CDC42BPA: variants seen among roughly 807,000 people sequenced by gnomAD.
CDC42BPA encodes the protein CDC42 binding protein kinase alpha.
CDC42BPA carries 80 observed loss-of-function variants against 223.5 expected under a neutral mutation model. The observed-to-expected ratio is 0.36, with a 90% CI of 0.30 to 0.43. The LOEUF (loss-of-function observed/expected upper bound fraction) is 0.43, where lower values mean the gene tolerates loss of function less well. Ranked by LOEUF, CDC42BPA falls within the 20% of genes least tolerant of loss-of-function variation. CDC42BPA has a pLI of 1.00. For synonymous variants in CDC42BPA, 694 were observed against 718.6 expected (o/e 0.97, Z 0.55); for missense variants, 1,743 against 2,099.9 (o/e 0.83, Z 3.32).
At chr1:227,112,263 A>C (rs1438147713) in intron 14 of CDC42BPA, 49 bp downstream of exon 14, 1 of 1,145,562 alleles carries the variant, frequency 8.7e-7, no homozygotes, top group Non-Finnish European at 1.3e-6. Context: ...TAACAAGCCT[A>C]AAGAGAAGAA....
chr1:227,060,261 G>A (rs1052651413), intron 21 of CDC42BPA, among the ~76,000 whole-genome samples: 5 of 152,106 alleles, frequency 3.3e-5, no homozygotes, highest in Admixed American at 1.3e-4. Context: ...TCGATCTCCT[G>A]ACCTCGTGAT....
chr1:227,050,781 G>A (rs938586682), intron 22 of CDC42BPA, among the ~76,000 whole-genome samples: 5 of 152,136 alleles, frequency 3.3e-5, no homozygotes, highest in Non-Finnish European at 7.4e-5. Context: ...CCAAGAAAGG[G>A]AAGATGCACA....
intron 6 of CDC42BPA, among the ~76,000 whole-genome samples, chr1:227,153,204 T>C (rs1365298549): frequency 6.6e-6 from 1 of 150,924 alleles, no homozygotes; most frequent in Non-Finnish European, 1.5e-5. Flanking sequence ...ATTTTAATCT[T>C]ATGGGCATAT....
chr1:227,185,517 C>G (rs1558703265), intron 5 of CDC42BPA, among the ~76,000 whole-genome samples: 1 of 152,114 alleles, frequency 6.6e-6, no homozygotes, highest in Non-Finnish European at 1.5e-5. Flanking sequence ...TCGCCGGCTA[C>G]GTGAATGACA....
chr1:227,123,707 G>A (rs1689067434), intron 11 of CDC42BPA, among the ~76,000 whole-genome samples: 1 of 152,228 alleles, frequency 6.6e-6, no homozygotes, highest in Non-Finnish European at 1.5e-5. Context: ...ACATCTCCCT[G>A]ATCCACAAGA....
chr1:227,011,473 C>T (rs567867655), intron 34 of CDC42BPA, among the ~76,000 whole-genome samples: 62 of 152,212 alleles, frequency 4.1e-4, no homozygotes, highest in Admixed American at 6.5e-4. Flanking sequence ...TCTAAATAGA[C>T]GTGTTATGAA....
chr1:227,246,062 G>A (rs548744314), intron 2 of CDC42BPA, among the ~76,000 whole-genome samples: 1 of 152,168 alleles, frequency 6.6e-6, no homozygotes, highest in Non-Finnish European at 1.5e-5. Context: ...TGGGCCAGAG[G>A]GGGGCCCACT....
intron 2 of CDC42BPA, among the ~76,000 whole-genome samples, chr1:227,251,939 T>A (rs1036798270): frequency 2.0e-5 from 3 of 152,128 alleles, no homozygotes; most frequent in Non-Finnish European, 4.4e-5. Flanking sequence ...TAATGAACTT[T>A]AAATTCATAG....
intron 2 of CDC42BPA, among the ~76,000 whole-genome samples, chr1:227,249,369 T>G (rs1045564143): frequency 1.3e-5 from 2 of 152,210 alleles, no homozygotes; most frequent in African/African-American, 4.8e-5. Flanking sequence ...GACACTGGTC[T>G]GCACAAAAAT....
At chr1:227,180,755 C>A (rs149701509) in intron 5 of CDC42BPA, among the ~76,000 whole-genome samples, 2 of 152,278 alleles carry the variant, frequency 1.3e-5, no homozygotes, top group East Asian at 3.9e-4. Flanking sequence ...GCATGATAAT[C>A]GAACATAACA....
intron 29 of CDC42BPA, among the ~76,000 whole-genome samples, chr1:227,030,206 C>T (rs1389987896): frequency 6.6e-6 from 1 of 151,466 alleles, no homozygotes; most frequent in Non-Finnish European, 1.5e-5. Flanking sequence ...AAAGACAATA[C>T]ATATTTGAAG....
At chr1:227,199,120 T>G (rs1289532538) in intron 4 of CDC42BPA, among the ~76,000 whole-genome samples, 1 of 152,160 alleles carries the variant, frequency 6.6e-6, no homozygotes, top group African/African-American at 2.4e-5. Flanking sequence ...TAAAAATAAT[T>G]TAAAAATGTA....
chr1:227,208,856 T>C (rs1442223622), intron 3 of CDC42BPA, among the ~76,000 whole-genome samples: 1 of 151,304 alleles, frequency 6.6e-6, no homozygotes, highest in African/African-American at 2.5e-5. Flanking sequence ...TTCGGTTCCA[T>C]ATGAACTTTA....
rs976712300 is a variant in CDC42BPA at position 227,144,774 on chromosome 1, G to A, written c.1143+715C>T. On this transcript the variant is annotated intron_variant, in intron 8 of 36. Coordinates refer to ENST00000366766, the MANE Select transcript of CDC42BPA (RefSeq NM_001394014.1). ...GAATTATTTGGCTATTGGACTGGCC[G>A]AATAATTGGCTTGAGGTCTGTATTC... Among the ~76,000 whole-genome samples the A allele has an allele frequency of 4.3e-4, 66 of 152,144 alleles. 1 individual carries two copies. Among genetic ancestry groups the A allele is most frequent in the African/African-American group, 1.5e-3 (63 of 41,502 alleles).
chr1:227,034,079 GATGGAT>G (rs1249034084), intron 26 of CDC42BPA, among the ~76,000 whole-genome samples: 2 of 152,192 alleles, frequency 1.3e-5, no homozygotes, highest in Non-Finnish European at 2.9e-5. Context: ...TTGAGCAATG[GATGGAT>G]ATATCTGAAC....
At chr1:227,082,315 G>C (rs1045027886) in intron 16 of CDC42BPA, among the ~76,000 whole-genome samples, 5 of 151,950 alleles carry the variant, frequency 3.3e-5, no homozygotes, top group Admixed American at 3.3e-4. Flanking sequence ...CCAAATTACT[G>C]TGATTACAGG....
In CDC42BPA at chr1:227,035,625, G is replaced by T; in HGVS notation, c.3200-18C>A. 6.4e-7 allele frequency: 1 copy of T among 1,553,024 alleles called. No homozygotes were observed. The highest frequency in any genetic ancestry group is 2.3e-5 in the East Asian group (1 of 43,020). On this transcript the variant is annotated intron_variant, in intron 24 of 36. Transcript: ENST00000366766. ...TCCACACACTTTTAGAGGGAAAAAAGAAACGTTTGATAAAAATTCATTTTA... is the reference window on the plus strand; with the variant it reads ...TCCACACACTTTTAGAGGGAAAAAATAAACGTTTGATAAAAATTCATTTTA...
intron 1 of CDC42BPA, among the ~76,000 whole-genome samples, chr1:227,288,490 G>A (rs1266342846): frequency 2.0e-5 from 3 of 152,112 alleles, no homozygotes; most frequent in African/African-American, 7.2e-5. Flanking sequence ...CTTAAGGCCG[G>A]GAGTTCAAGA....
intron 2 of CDC42BPA, among the ~76,000 whole-genome samples, chr1:227,230,988 T>G (rs1008987616): frequency 6.6e-6 from 1 of 151,968 alleles, no homozygotes; most frequent in African/African-American, 2.4e-5. Context: ...GCCTAGCTAA[T>G]AATTTTTTTT....
Sources: gnomAD v4.1 joint callset for allele counts (sites outside exome capture counted in the v4.1 genomes callset) on GRCh38, gnomAD v4.1.1 for gene constraint, MANE v1.5 for transcripts, NCBI Gene and HGNC (gene_info 2026-07-23, HGNC 2026-07-21) for gene names.